COPS7B: variants seen among roughly 807,000 people sequenced by gnomAD.
COPS7B encodes COP9 signalosome subunit 7B.
Under a neutral mutation model 33.4 loss-of-function variants are expected in COPS7B, and 9 were observed. The observed-to-expected ratio is 0.27, with a 90% CI of 0.16 to 0.47. COPS7B has a LOEUF of 0.47. Ranked by LOEUF, COPS7B falls within the 20% of genes least tolerant of loss-of-function variation. The pLI is 0.99. For synonymous variants in COPS7B, 119 were observed against 126.3 expected, an observed-to-expected ratio of 0.94 and a Z score of 0.39; for missense variants, 242 against 318.2, an observed-to-expected ratio of 0.76 and a Z score of 1.82.
At chr2:231,805,413 T>TTA (rs72268376) in intron 6 of COPS7B, among the ~76,000 whole-genome samples, 1,315 of 131,414 alleles carry the variant, frequency 0.01, 25 homozygotes, top group African/African-American at 0.035. Context: ...TCCCTGTTTA[T>TTA]TATATATATA....
chr2:231,804,451 G>A (rs1389473533), intron 6 of COPS7B, among the ~76,000 whole-genome samples: 1 of 152,060 alleles, frequency 6.6e-6, no homozygotes, highest in Non-Finnish European at 1.5e-5. Context: ...GTTTCACCGC[G>A]TTAGCCAGGA....
chr2:231,801,630 C>CTTT (rs199606465), intron 6 of COPS7B, among the ~76,000 whole-genome samples: 7 of 130,998 alleles, frequency 5.3e-5, no homozygotes, highest in Admixed American at 7.7e-5. Context: ...TTTTTCTTTT[C>CTTT]TTTTTTTTTT....
intron 3 of COPS7B, 46 bp from the exon 4 acceptor site, chr2:231,794,217 A>C: frequency 6.6e-7 from 1 of 1,519,386 alleles, no homozygotes; most frequent in Non-Finnish European, 9.1e-7. Context: ...AAGAAATCCT[A>C]ATTTTATTTT....
intron 2 of COPS7B, chr2:231,790,125 A>T (rs1408226015): frequency 6.6e-6 from 1 of 152,214 alleles, no homozygotes; most frequent in Non-Finnish European, 1.5e-5. Flanking sequence ...AAAATTTCAG[A>T]AAACTGAGTT....
At position 231,798,859 on chromosome 2, in the gene COPS7B, G is replaced by C; in HGVS notation, c.531G>C (p.Trp177Cys). The C allele has an allele frequency of 6.2e-7, 1 of 1,613,890 alleles. No homozygotes were observed. Among genetic ancestry groups the C allele is most frequent in the Non-Finnish European group, 8.5e-7 (1 of 1,179,792 alleles). ...TCAGGGCTGGTTTTCTCCATTGTAG[G>C]TGTGATGGCTGTGAAGCAGTTCTAC... The part of the protein sequence containing the change: ...INNIVKTLHE[W>C]CDGCEAVLLG... Residue 177 changes from tryptophan (W) to cysteine (C), a missense_variant and splice_region_variant, in exon 6 of 7, where the codon TGG (tryptophan) becomes TGC (cysteine). Coordinates refer to ENST00000350033, the MANE Select transcript of COPS7B (RefSeq NM_022730.4).
intron 3 of COPS7B, chr2:231,792,200 G>C (rs1371716971): frequency 4.6e-6 from 2 of 438,052 alleles, no homozygotes; most frequent in Non-Finnish European, 9.4e-6. Context: ...CTTTTTAAAA[G>C]TCACTCATAG....
At position 231,808,430 on chromosome 2, in the gene COPS7B, G is replaced by C. The variant is rs1420948546; in HGVS notation, c.*785G>C. Reference sequence around the variant, plus strand: ...TGTTTTCGGTGTGTAGGCCCCAGCTGCCCACTGGAACTGCCGGCTAATGCT... The same window carrying C: ...TGTTTTCGGTGTGTAGGCCCCAGCTCCCCACTGGAACTGCCGGCTAATGCT... On this transcript the variant is annotated 3_prime_UTR_variant, in exon 7 of 7. Coordinates refer to ENST00000350033, the MANE Select transcript of COPS7B (RefSeq NM_022730.4). 1 of 471,412 alleles carries C rather than the reference G, an allele frequency of 2.1e-6. No individual in the cohort carries two copies. The highest frequency in any genetic ancestry group is 1.5e-5 in the South Asian group (1 of 64,552). 29.2% of individuals were successfully genotyped at this position (471,412 alleles called of 1,614,324 possible).
chr2:231,802,017 C>T (rs1315581897), intron 6 of COPS7B, among the ~76,000 whole-genome samples: 5 of 152,122 alleles, frequency 3.3e-5, no homozygotes, highest in South Asian at 2.1e-4. Flanking sequence ...TCAAGTGATC[C>T]GCCTGCCTCG....
chr2:231,803,318 A>AGG (rs775287450), intron 6 of COPS7B, among the ~76,000 whole-genome samples: 2 of 152,140 alleles, frequency 1.3e-5, no homozygotes, highest in Non-Finnish European at 2.9e-5. Flanking sequence ...AGAAGGGCAT[A>AGG]GGGGGAATGA....
At chr2:231,801,994 C>G (rs568922193) in intron 6 of COPS7B, among the ~76,000 whole-genome samples, 2 of 152,238 alleles carry the variant, frequency 1.3e-5, no homozygotes, top group East Asian at 3.9e-4. Context: ...AGGTTGTTCT[C>G]CACCTCCGGA....
upstream of COPS7B, among the ~76,000 whole-genome samples, chr2:231,785,160 C>G (rs1013958866): frequency 2.6e-5 from 4 of 152,204 alleles, no homozygotes; most frequent in Non-Finnish European, 4.4e-5. Context: ...GAGGTTTTCC[C>G]TGCCTCCAAT....
chr2:231,806,982 A>G (rs1188833574), intron 6 of COPS7B, among the ~76,000 whole-genome samples: 1 of 152,222 alleles, frequency 6.6e-6, no homozygotes, highest in Non-Finnish European at 1.5e-5. Context: ...TTGTTAAGTG[A>G]AAGAAAGCTA....
At position 231,808,798 on chromosome 2, in the gene COPS7B, GGTGTGTGT is replaced by G. The variant is rs543816090; in HGVS notation, c.*1190_*1197del. 190 of 75,818 alleles carry G rather than the reference GGTGTGTGT, an allele frequency of 2.5e-3. 1 individual carries two copies. The highest frequency in any genetic ancestry group is 5.8e-3 in the South Asian group (15 of 2,586). 4.7% of individuals were successfully genotyped at this position (75,818 alleles called of 1,614,324 possible). ...TGGTTGGAGGGTGGGGGTGGGGTGG[GGTGTGTGT>G]GTGTGTGTGTGTGTGTGTGTGTGTG... On this transcript the variant is annotated 3_prime_UTR_variant, in exon 7 of 7. Transcript: ENST00000350033.
chr2:231,807,318 A>G (rs2049922791), intron 6 of COPS7B, among the ~76,000 whole-genome samples, 169 bp from the exon 7 acceptor site: 1 of 152,082 alleles, frequency 6.6e-6, no homozygotes, highest in African/African-American at 2.4e-5. Flanking sequence ...ATTTCCACAA[A>G]TCTGCTGTGA....
At chr2:231,803,925 T>G (rs1424571400) in intron 6 of COPS7B, among the ~76,000 whole-genome samples, 1 of 152,140 alleles carries the variant, frequency 6.6e-6, no homozygotes, top group Non-Finnish European at 1.5e-5. Context: ...AGCGTTGCCG[T>G]TGGTGGATGT....
chr2:231,791,888 A>C (rs1383405276), intron 3 of COPS7B, 80 bp downstream of exon 3: 14 of 1,294,546 alleles, frequency 1.1e-5, no homozygotes, highest in Admixed American at 1.7e-5. Flanking sequence ...TTGAGATATA[A>C]AGCATGGGGT....
chr2:231,802,521 A>G (rs544147179), intron 6 of COPS7B, among the ~76,000 whole-genome samples: 3 of 152,296 alleles, frequency 2.0e-5, no homozygotes, highest in Admixed American at 6.5e-5. Context: ...TCTGAGGTTC[A>G]TGTTTTGAGG....
chr2:231,800,491 C>G (rs898320889), intron 6 of COPS7B, among the ~76,000 whole-genome samples: 2 of 152,148 alleles, frequency 1.3e-5, no homozygotes, highest in African/African-American at 2.4e-5. Flanking sequence ...TCTTTGGTAT[C>G]AAGGTCATTA....
intron 3 of COPS7B, chr2:231,792,094 T>C (rs1209470875): frequency 1.7e-6 from 1 of 597,724 alleles, no homozygotes; most frequent in Non-Finnish European, 3.2e-6. Flanking sequence ...GCTCTTGGAG[T>C]GCTGTGAAGT....
Sources: gnomAD v4.1 joint callset for allele counts (sites outside exome capture counted in the v4.1 genomes callset) on GRCh38, gnomAD v4.1.1 for gene constraint, MANE v1.5 for transcripts, NCBI Gene and HGNC (gene_info 2026-07-23, HGNC 2026-07-21) for gene names.